Variants in MAP4 observed in about 807,000 individuals in gnomAD.
MAP4 encodes the protein microtubule-associated protein 4.
A neutral mutation model predicts 170.2 loss-of-function variants in MAP4; 76 were observed. That is an observed-to-expected ratio of 0.45 (90% confidence interval 0.37 to 0.54). The LOEUF (loss-of-function observed/expected upper bound fraction) is 0.54, where lower values mean the gene tolerates loss of function less well. Among genes scored for constraint, MAP4 ranks in the 20% least tolerant of loss-of-function variants. The probability of loss-of-function intolerance (pLI) is 0.00; values close to 1 mark genes in which losing one functional copy is unlikely to be tolerated. For missense variants in MAP4, 2,506 were observed against 2,748.0 expected (o/e 0.91, Z 1.97); for synonymous variants, 909 against 994.5 (o/e 0.91, Z 1.62).
chr3:48,084,958 T>G (rs2100148353), intron 1 of MAP4, among the ~76,000 whole-genome samples: 1 of 151,810 alleles, frequency 6.6e-6, no homozygotes, highest in South Asian at 2.1e-4. Flanking sequence ...CTTCTTAACC[T>G]TAATTGTTCT....
chr3:47,986,957 GACAA>G (rs1377867194), intron 2 of MAP4, among the ~76,000 whole-genome samples: 3 of 152,078 alleles, frequency 2.0e-5, no homozygotes, highest in Admixed American at 6.6e-5. Flanking sequence ...TGAATAAACT[GACAA>G]ACAAAAACCA....
chr3:47,983,548 G>A (rs746497250), intron 2 of MAP4, among the ~76,000 whole-genome samples: 12 of 151,822 alleles, frequency 7.9e-5, no homozygotes, highest in African/African-American at 1.9e-4. Context: ...CACCATGCCC[G>A]GCTAATTTTT....
chr3:47,916,796 G>A lies in MAP4; in HGVS notation c.1031C>T (p.Pro344Leu), dbSNP rs1473450364. The change falls in exon 7 of 21, where the codon CCA (proline) becomes CTA (leucine). Residue 344 changes from proline to leucine, a missense_variant. Around this residue, in one of 3 missense-constraint regions of MAP4, gnomAD observed 2,008 missense variants for 2,206.0 expected, o/e 0.91. Transcript: ENST00000683076. ...VVLPTETEVAPAKDVTLLKET... is the reference protein window; with the variant it reads ...VVLPTETEVALAKDVTLLKET... ...TTTCAACAGTGTCACATCCTTGGCTGGGGCTACCTCTGTTTCTGTGGGCAG... is the reference window on the plus strand; with the variant it reads ...TTTCAACAGTGTCACATCCTTGGCTAGGGCTACCTCTGTTTCTGTGGGCAG... The A allele has an allele frequency of 1.2e-6, 2 of 1,614,136 alleles. No homozygotes were observed. Among genetic ancestry groups the A allele is most frequent in the South Asian group, 1.1e-5 (1 of 91,086 alleles).
intron 4 of MAP4, among the ~76,000 whole-genome samples, chr3:47,925,542 C>T (rs1440698916): frequency 1.3e-5 from 2 of 152,032 alleles, no homozygotes; most frequent in Non-Finnish European, 2.9e-5. Context: ...TGGAGTATTA[C>T]GTGTCCATAA....
At position 48,059,227 on chromosome 3, in the gene MAP4, C is replaced by A. The variant is rs1036940070; in HGVS notation, c.-20+29546G>T. Reference sequence around the variant, plus strand: ...AACTGAACAGATAATGATAAAAACCCAATCAGGGCCAGGCACAGTGGCTCA... The same window carrying A: ...AACTGAACAGATAATGATAAAAACCAAATCAGGGCCAGGCACAGTGGCTCA... On this transcript the variant is annotated intron_variant, in intron 1 of 18. Coordinates refer to the MAP4 transcript ENST00000360240. Among the ~76,000 whole-genome samples the A allele has an allele frequency of 3.2e-4, 48 of 151,944 alleles. 1 individual carries two copies. Among genetic ancestry groups the A allele is most frequent in the Non-Finnish European group, 1.5e-5 (1 of 67,968 alleles).
chr3:48,042,611 G>C (rs1384461414), intron 1 of MAP4, among the ~76,000 whole-genome samples: 1 of 152,072 alleles, frequency 6.6e-6, no homozygotes, highest in Non-Finnish European at 1.5e-5. Context: ...GTAATGAATG[G>C]CAAGTGTTTT....
intron 10 of MAP4, among the ~76,000 whole-genome samples, chr3:47,890,831 C>T (rs997375902): frequency 6.6e-6 from 1 of 152,108 alleles, no homozygotes; most frequent in Non-Finnish European, 1.5e-5. Flanking sequence ...TCAGCTTGAC[C>T]CTGCAAGATT....
chr3:47,887,668 C>A (rs1388259581), intron 10 of MAP4, among the ~76,000 whole-genome samples: 1 of 152,258 alleles, frequency 6.6e-6, no homozygotes, highest in Non-Finnish European at 1.5e-5. Context: ...CCCAGCTGGG[C>A]TCCTGAGTCT....
At chr3:48,018,923 C>T (rs536454704), upstream of MAP4, among the ~76,000 whole-genome samples, 26 of 152,294 alleles carry the variant, frequency 1.7e-4, no homozygotes, top group East Asian at 2.1e-3. Context: ...AGTAACCGTA[C>T]GAACCAGCTC....
At chr3:48,076,494 T>A (rs554508461) in intron 1 of MAP4, among the ~76,000 whole-genome samples, 2 of 140,572 alleles carry the variant, frequency 1.4e-5, no homozygotes, top group South Asian at 2.3e-4. Context: ...AGAACGAGAC[T>A]ACATCTTAAA....
At chr3:47,958,650 G>A (rs1267890509) in intron 3 of MAP4, among the ~76,000 whole-genome samples, 1 of 151,088 alleles carries the variant, frequency 6.6e-6, no homozygotes, top group African/African-American at 2.4e-5. Flanking sequence ...CTGAGTAGCT[G>A]GGATTCCAGG....
chr3:47,936,018 T>C (rs1253487323), intron 3 of MAP4, among the ~76,000 whole-genome samples: 3 of 150,530 alleles, frequency 2.0e-5, no homozygotes, highest in Non-Finnish European at 4.4e-5. Context: ...ATTAAGAATA[T>C]AGCTGCCAGT....
In MAP4 at chr3:48,056,844, G is replaced by C. The variant is rs545636690; in HGVS notation, c.-20+31929C>G. On this transcript the variant is annotated intron_variant, in intron 1 of 18. Coordinates refer to the MAP4 transcript ENST00000360240. The stretch of plus-strand genomic sequence containing the variant: ...CCGACCCGTCCGGGAGGGAGGTGGG[G>C]GGGGGGTCAGCCCCCCTGCCCGGCC... Among the ~76,000 whole-genome samples the C allele has an allele frequency of 2.8e-4, 33 of 118,038 alleles. No individual in the cohort carries two copies. The South Asian group carries it at 4.1e-3, about 15-fold the overall frequency. 77.4% of individuals were successfully genotyped at this position (118,038 alleles called of 152,430 possible).
chr3:48,058,708 A>G (rs2154556325), intron 1 of MAP4, among the ~76,000 whole-genome samples: 1 of 152,340 alleles, frequency 6.6e-6, no homozygotes, highest in South Asian at 2.1e-4. Context: ...TTGGTTTTCT[A>G]AAACCAATAA....
chr3:48,008,089 A>G (rs2100103379), intron 1 of MAP4, among the ~76,000 whole-genome samples: 1 of 152,214 alleles, frequency 6.6e-6, no homozygotes, highest in South Asian at 2.1e-4. Context: ...AGACCCATCT[A>G]GCCATACAGT....
chr3:47,892,123 G>A (rs919465320), intron 10 of MAP4: 2 of 1,536,012 alleles, frequency 1.3e-6, no homozygotes, highest in African/African-American at 2.7e-5. Context: ...AGGTCTTCTG[G>A]TGTACCGAGT....
rs780319261 is a variant in MAP4, at chr3:47,998,706, T to C, written c.155A>G (p.Asp52Gly). 6.2e-7 allele frequency: 1 copy of C among 1,614,034 alleles called. No individual in the cohort carries two copies. Among genetic ancestry groups the C allele is most frequent in the African/African-American group, 1.3e-5 (1 of 74,908 alleles). ...TGAGTTCCCGGTTTTCTCATCAACA[T>C]CCAGGAGAGGAATATAGTCTGTTTT... ...VGKTDYIPLL[D>G]VDEKTGNSES... The change falls in exon 2 of 21, where the codon GAT becomes GGT. Residue 52 changes from aspartate to glycine, a missense_variant. This residue lies in a region of MAP4 where 2,008 missense variants were observed against 2,206.0 expected (regional missense o/e 0.91). Transcript: ENST00000683076.
At chr3:47,939,518 C>A (rs1197464128) in intron 3 of MAP4, among the ~76,000 whole-genome samples, 4 of 152,016 alleles carry the variant, frequency 2.6e-5, no homozygotes, top group Non-Finnish European at 5.9e-5. Flanking sequence ...TCACATTATA[C>A]ACCAAACTTC....
At chr3:48,044,474 A>G (rs2100123339) in intron 1 of MAP4, among the ~76,000 whole-genome samples, 1 of 151,892 alleles carries the variant, frequency 6.6e-6, no homozygotes, top group Non-Finnish European at 1.5e-5. Context: ...TAATTTTTAA[A>G]AAATTTTGGG....
Sources: allele counts gnomAD v4.1 joint callset (sites outside exome capture counted in the v4.1 genomes callset), GRCh38; gene constraint gnomAD v4.1.1; regional missense constraint gnomAD v4.1.1; transcripts MANE v1.5; gene names NCBI Gene and HGNC (gene_info 2026-07-23, HGNC 2026-07-21).